The following BCAS1 variants were observed in gnomAD, a reference collection of about 807,000 sequenced individuals.
BCAS1 encodes the protein brain enriched myelin associated protein 1.
BCAS1 carries 46 observed loss-of-function variants against 65.4 expected under a neutral mutation model. The observed-to-expected ratio is 0.70, with a 90% CI of 0.55 to 0.90. BCAS1 has a LOEUF of 0.90. Ranked by LOEUF, BCAS1 falls within the 40% of genes least tolerant of loss-of-function variation. The pLI is 0.00. For missense variants in BCAS1, 793 were observed against 771.2 expected (o/e 1.03, Z -0.33); for synonymous variants, 298 against 293.5 (o/e 1.02, Z -0.16).
intron 8 of BCAS1, among the ~76,000 whole-genome samples, chr20:53,978,377 T>G (rs2090390769): frequency 1.3e-5 from 2 of 152,174 alleles, no homozygotes; most frequent in South Asian, 4.1e-4. Context: ...AAATATATTT[T>G]AAAAGAAATG....
At chr20:53,970,602 T>TC (rs906184383) in intron 9 of BCAS1, among the ~76,000 whole-genome samples, 3 of 152,074 alleles carry the variant, frequency 2.0e-5, no homozygotes, top group African/African-American at 7.2e-5. Flanking sequence ...TAGAATTAAA[T>TC]CCCCCCTGCT....
At chr20:54,027,501 T>G (rs759282220) in intron 4 of BCAS1, among the ~76,000 whole-genome samples, 29 of 152,238 alleles carry the variant, frequency 1.9e-4, no homozygotes, top group Non-Finnish European at 3.7e-4. Flanking sequence ...TCCAATTTTT[T>G]CCTGGCTCTG....
intron 4 of BCAS1, among the ~76,000 whole-genome samples, chr20:53,999,342 T>A (rs550319541): frequency 6.6e-6 from 1 of 152,346 alleles, no homozygotes; most frequent in African/African-American, 2.4e-5. Context: ...ATCTATCTTA[T>A]CTAATCTTTG....
intron 12 of BCAS1, among the ~76,000 whole-genome samples, chr20:53,947,046 T>C (rs1458994453): frequency 6.6e-6 from 1 of 152,170 alleles, no homozygotes; most frequent in African/African-American, 2.4e-5. Flanking sequence ...TAGTATAGTA[T>C]ATTGTATTTA....
chr20:53,967,840 CCAGTCA>C (rs1354963386), intron 9 of BCAS1, among the ~76,000 whole-genome samples: 1 of 152,186 alleles, frequency 6.6e-6, no homozygotes, highest in Non-Finnish European at 1.5e-5. Context: ...GTACAGGGCC[CCAGTCA>C]CATCTGGGAC....
At chr20:53,998,008 A>T (rs900184284) in intron 4 of BCAS1, among the ~76,000 whole-genome samples, 1 of 152,162 alleles carries the variant, frequency 6.6e-6, no homozygotes, top group Non-Finnish European at 1.5e-5. Context: ...GAGGAGAATG[A>T]AAGGAGACAC....
intron 8 of BCAS1, among the ~76,000 whole-genome samples, chr20:53,985,039 C>G (rs376673252): frequency 2.0e-5 from 3 of 152,118 alleles, no homozygotes; most frequent in South Asian, 2.1e-4. Flanking sequence ...TGAAGTCACT[C>G]AAAGAATGAA....
intron 4 of BCAS1, among the ~76,000 whole-genome samples, chr20:54,018,628 G>A (rs1010250133): frequency 9.2e-5 from 14 of 152,002 alleles, no homozygotes; most frequent in Non-Finnish European, 5.9e-5. Context: ...GAGCCACCGC[G>A]CCCAGCCTCC....
At chr20:53,995,212 C>T (rs1344917670) in intron 5 of BCAS1, among the ~76,000 whole-genome samples, 156 bp from the exon 6 acceptor site, 1 of 152,084 alleles carries the variant, frequency 6.6e-6, no homozygotes, top group Non-Finnish European at 1.5e-5. Context: ...TCAGGACCGC[C>T]GGGTAATACA....
intron 12 of BCAS1, among the ~76,000 whole-genome samples, chr20:53,951,079 T>A (rs889424266): frequency 1.3e-5 from 2 of 152,340 alleles, no homozygotes; most frequent in African/African-American, 4.8e-5. Context: ...TCGTACCTAT[T>A]GTAGAGGCTG....
chr20:54,007,295 A>G (rs2091219521), intron 4 of BCAS1, among the ~76,000 whole-genome samples: 1 of 152,240 alleles, frequency 6.6e-6, no homozygotes, highest in African/African-American at 2.4e-5. Flanking sequence ...TCAAAACAAA[A>G]TGGAATACAG....
chr20:54,028,617 G>C lies in BCAS1; in HGVS notation c.498C>G (p.Ala166=). 1 of 1,614,156 alleles carries C rather than the reference G, an allele frequency of 6.2e-7. No homozygotes were observed. Among genetic ancestry groups the C allele is most frequent in the Non-Finnish European group, 8.5e-7 (1 of 1,180,030 alleles). Residue 166 remains alanine (A), a synonymous_variant, in exon 4 of 13, where the codon GCC becomes GCG. Coordinates refer to ENST00000688948, the MANE Select transcript of BCAS1 (RefSeq NM_001366298.2). ...GTGGGAGAAGCGTGGGATCCCTGGCGGCAGAGAGGACCTTGTCTTGGGCCG... is the reference window on the plus strand; with the variant it reads ...GTGGGAGAAGCGTGGGATCCCTGGCCGCAGAGAGGACCTTGTCTTGGGCCG... The part of the protein sequence containing the change: ...HAPAQDKVLS[A]ARDPTLLPPE...
In BCAS1 at chr20:53,992,539, G is replaced by A. The variant is rs190000906; in HGVS notation, c.1035C>T (p.Leu345=). The A allele has an allele frequency of 8.3e-5, 113 of 1,365,288 alleles. No individual in the cohort carries two copies. The highest frequency in any genetic ancestry group is 1.0e-4 in the Non-Finnish European group (106 of 1,021,618). 84.6% of individuals were successfully genotyped at this position (1,365,288 alleles called of 1,614,324 possible). The change falls in exon 7 of 13, where the codon CTC becomes CTT. Residue 345 remains leucine, a synonymous_variant. Coordinates refer to ENST00000688948, the MANE Select transcript of BCAS1 (RefSeq NM_001366298.2). Reference sequence around the variant, plus strand: ...TATGCCTAAAGAATTTTCTAAAGGCGAGTCCTAGCCTGGGGCTATCCAGGT... The same window carrying A: ...TATGCCTAAAGAATTTTCTAAAGGCAAGTCCTAGCCTGGGGCTATCCAGGT... The part of the protein sequence containing the change: ...KKHLDSPRLG[L]AFRKFFRHKG...
intron 9 of BCAS1, among the ~76,000 whole-genome samples, chr20:53,969,153 C>T (rs762502327): frequency 6.6e-6 from 1 of 152,048 alleles, no homozygotes; most frequent in Non-Finnish European, 1.5e-5. Context: ...CAGTGCCCAA[C>T]ATCTCTGTGC....
At chr20:53,987,148 C>T (rs554564874) in intron 7 of BCAS1, among the ~76,000 whole-genome samples, 20 of 152,264 alleles carry the variant, frequency 1.3e-4, no homozygotes, top group African/African-American at 4.8e-4. Flanking sequence ...CTATTTGATG[C>T]AAGACACAAC....
intron 3 of BCAS1, among the ~76,000 whole-genome samples, chr20:54,052,982 T>C (rs957260270): frequency 2.0e-5 from 3 of 152,214 alleles, no homozygotes; most frequent in African/African-American, 7.2e-5. Flanking sequence ...TTGAAAAGGA[T>C]GGAGACAAAT....
intron 3 of BCAS1, among the ~76,000 whole-genome samples, chr20:54,044,501 T>G (rs765212046): frequency 6.6e-5 from 10 of 152,208 alleles, no homozygotes; most frequent in Non-Finnish European, 1.5e-4. Context: ...CCTTAAAAAT[T>G]TAAAACAGAA....
rs1383937760 is a variant in BCAS1 at position 53,966,985 on chromosome 20, G to C, written c.1406C>G (p.Ala469Gly). 6.2e-7 allele frequency: 1 copy of C among 1,613,262 alleles called. No individual in the cohort carries two copies. Among genetic ancestry groups the C allele is most frequent in the Non-Finnish European group, 8.5e-7 (1 of 1,179,638 alleles). The change falls in exon 10 of 13, where the codon GCA becomes GGA. Residue 469 changes from alanine (A) to glycine (G), a missense_variant. Ala to Gly is a moderately conservative substitution (Grantham distance 60). Transcript: ENST00000688948. ...QTVDLNEGDA[A>G]PEPTEAKLKR... ...GAGTTTCGCTTCTGTGGGTTCAGGT[G>C]CAGCATCTCCTTCGTTGAGGTCCAC... is the stretch of plus-strand genomic sequence containing the variant.
Position 53,985,750 on chromosome 20 carries a change from A to G in BCAS1, c.1063-251T>C, listed in dbSNP as rs180886085. 2.6e-4 allele frequency among the ~76,000 whole-genome samples: 39 copies of G among 152,350 alleles called. No individual in the cohort carries two copies. In the East Asian group the frequency reaches 6.4e-3, roughly 25 times the overall value. On this transcript the variant is annotated intron_variant, in intron 7 of 12. Coordinates refer to ENST00000688948, the MANE Select transcript of BCAS1 (RefSeq NM_001366298.2). Reference sequence around the variant, plus strand: ...TTAATTATGTTTATGTAAGTAACTCATTAGGAATCAAGGTGGTGGTAAGAG... The same window carrying G: ...TTAATTATGTTTATGTAAGTAACTCGTTAGGAATCAAGGTGGTGGTAAGAG...
Sources: gnomAD v4.1 joint callset for allele counts (sites outside exome capture counted in the v4.1 genomes callset) on GRCh38, gnomAD v4.1.1 for gene constraint, MANE v1.5 for transcripts, NCBI Gene and HGNC (gene_info 2026-07-23, HGNC 2026-07-21) for gene names.